MAML3: variants seen among roughly 807,000 people sequenced by gnomAD.
The protein encoded by MAML3 is mastermind like transcriptional coactivator 3.
MAML3 carries 27 observed loss-of-function variants against 101.9 expected under a neutral mutation model. The observed-to-expected ratio is 0.27, with a 90% CI of 0.20 to 0.37. The LOEUF (loss-of-function observed/expected upper bound fraction) is 0.37. MAML3 is among the 10% of genes least tolerant of loss of function. The pLI, the probability that MAML3 is intolerant of heterozygous loss-of-function variation, is 1.00. For missense variants in MAML3, 1,316 were observed against 1,444.9 expected (o/e 0.91, Z 1.45); for synonymous variants, 501 against 555.9 (o/e 0.90, Z 1.39).
intron 1 of MAML3, among the ~76,000 whole-genome samples, chr4:140,027,206 T>A (rs1425014799): frequency 6.6e-6 from 1 of 152,236 alleles, no homozygotes; most frequent in Non-Finnish European, 1.5e-5. Flanking sequence ...CATGGCATTA[T>A]CCTTTATCTA....
chr4:139,776,147 T>A (rs769970588), intron 2 of MAML3, among the ~76,000 whole-genome samples: 2 of 152,204 alleles, frequency 1.3e-5, no homozygotes, highest in Admixed American at 6.5e-5. Flanking sequence ...GAAAAAATGA[T>A]TATTTTGTAA....
intron 1 of MAML3, among the ~76,000 whole-genome samples, chr4:140,097,488 T>A (rs920953750): frequency 6.6e-6 from 1 of 152,046 alleles, no homozygotes; most frequent in African/African-American, 2.4e-5. Flanking sequence ...AAGGGAAGGA[T>A]GAGAGCTACC....
chr4:140,000,214 C>T (rs1022292471), intron 1 of MAML3, among the ~76,000 whole-genome samples: 4 of 152,056 alleles, frequency 2.6e-5, no homozygotes, highest in Non-Finnish European at 5.9e-5. Context: ...CTTCATTTAC[C>T]TCAGTAAAGA....
intron 2 of MAML3, among the ~76,000 whole-genome samples, chr4:139,791,502 CAAA>C (rs534133306): frequency 3.3e-4 from 31 of 95,084 alleles, no homozygotes; most frequent in South Asian, 1.3e-3. Flanking sequence ...GACTCCATCT[CAAA>C]AAAAAAAAAA....
At chr4:139,727,944 C>G (rs1041654788) in intron 3 of MAML3, among the ~76,000 whole-genome samples, 1 of 152,074 alleles carries the variant, frequency 6.6e-6, no homozygotes, top group Non-Finnish European at 1.5e-5. Flanking sequence ...GGCCGGGTGC[C>G]GTGGCTCACA....
intron 2 of MAML3, among the ~76,000 whole-genome samples, chr4:139,842,977 C>T (rs1731389269): frequency 1.3e-5 from 2 of 151,764 alleles, no homozygotes; most frequent in Non-Finnish European, 2.9e-5. Flanking sequence ...GGGGGGTTTT[C>T]ACCATGATGG....
chr4:140,068,192 G>C (rs1193867801), intron 1 of MAML3, among the ~76,000 whole-genome samples: 1 of 152,076 alleles, frequency 6.6e-6, no homozygotes, highest in Non-Finnish European at 1.5e-5. Context: ...ACCTCTCAAT[G>C]GGAAGAGTGT....
intron 2 of MAML3, among the ~76,000 whole-genome samples, chr4:139,736,643 A>T (rs1728958776): frequency 6.6e-6 from 1 of 152,234 alleles, no homozygotes; most frequent in Admixed American, 6.5e-5. Flanking sequence ...AAAATGAGTA[A>T]CTAAAAATTA....
intron 2 of MAML3, among the ~76,000 whole-genome samples, chr4:139,772,000 G>A (rs909636528): frequency 2.0e-5 from 3 of 151,552 alleles, no homozygotes; most frequent in East Asian, 2.0e-4. Context: ...AGCACTTTGG[G>A]AGGCCGAGGT....
At chr4:139,930,693 TC>T (rs1176417008) in intron 1 of MAML3, among the ~76,000 whole-genome samples, 1 of 152,202 alleles carries the variant, frequency 6.6e-6, no homozygotes, top group African/African-American at 2.4e-5. Flanking sequence ...GTCACCACTT[TC>T]CCTGGTCTCT....
intron 1 of MAML3, among the ~76,000 whole-genome samples, chr4:140,050,681 G>A (rs1486540867): frequency 2.6e-5 from 4 of 152,088 alleles, no homozygotes; most frequent in Admixed American, 1.3e-4. Context: ...TATAAATCAG[G>A]GCCTTCTATA....
intron 1 of MAML3, among the ~76,000 whole-genome samples, chr4:140,038,043 G>A (rs1376403063): frequency 6.6e-6 from 1 of 152,230 alleles, no homozygotes; most frequent in African/African-American, 2.4e-5. Context: ...GGGCACCTTA[G>A]CCATTCCACT....
At chr4:140,005,665 T>C (rs1021414875) in intron 1 of MAML3, among the ~76,000 whole-genome samples, 1 of 152,168 alleles carries the variant, frequency 6.6e-6, no homozygotes, top group Non-Finnish European at 1.5e-5. Context: ...CAAAAGAAGA[T>C]TAGAAAGAGA....
At chr4:139,846,524 T>C (rs985800255) in intron 2 of MAML3, among the ~76,000 whole-genome samples, 1 of 152,082 alleles carries the variant, frequency 6.6e-6, no homozygotes. Flanking sequence ...AGTTTTGTAT[T>C]TTTTGCAGAG....
chr4:139,723,930 C>A (rs1431198733), intron 4 of MAML3, among the ~76,000 whole-genome samples: 1 of 152,204 alleles, frequency 6.6e-6, no homozygotes, highest in Non-Finnish European at 1.5e-5. Flanking sequence ...TATGTTTTAA[C>A]AAGCTCCGCT....
At position 139,847,212 on chromosome 4, in the gene MAML3, AAAAC is replaced by A. The variant is rs746769473; in HGVS notation, c.2079+42141_2079+42144del. On this transcript the variant is annotated intron_variant, in intron 2 of 4. Coordinates refer to ENST00000509479, the MANE Select transcript of MAML3 (RefSeq NM_018717.5). ...ATCTATATTGTGTAAAAAACAAAAC[AAAAC>A]AAACAAACAAAAATATATATATGGT... Among the ~76,000 whole-genome samples, 13 of 152,310 alleles carry A rather than the reference AAAAC, an allele frequency of 8.5e-5. No individual in the cohort carries two copies. In the South Asian group the frequency reaches 1.2e-3, roughly 15 times the overall value.
At chr4:139,807,106 T>G (rs1331303991) in intron 2 of MAML3, among the ~76,000 whole-genome samples, 42 of 152,218 alleles carry the variant, frequency 2.8e-4, no homozygotes, top group Admixed American at 2.7e-3. Flanking sequence ...AAATTAGCTG[T>G]GTCATCACCT....
chr4:139,997,929 G>A (rs7656823), intron 1 of MAML3, among the ~76,000 whole-genome samples: 75,787 of 151,670 alleles, frequency 0.5, 19,380 homozygotes, highest in East Asian at 0.65. Context: ...CCTATATGTG[G>A]TAAGCCATTT....
intron 1 of MAML3, among the ~76,000 whole-genome samples, chr4:139,944,022 C>A (rs1005617429): frequency 1.1e-4 from 16 of 151,882 alleles, no homozygotes; most frequent in Admixed American, 2.6e-4. Flanking sequence ...AGGCGTGCGC[C>A]ACCACACCCG....
Sources: gnomAD v4.1 joint callset for allele counts (sites outside exome capture counted in the v4.1 genomes callset) on GRCh38, gnomAD v4.1.1 for gene constraint, MANE v1.5 for transcripts, NCBI Gene and HGNC (gene_info 2026-07-23, HGNC 2026-07-21) for gene names.